The following AGBL4 variants were observed in gnomAD, a reference collection of about 807,000 sequenced individuals.
The protein encoded by AGBL4 is cytosolic carboxypeptidase 6.
Under a neutral mutation model 66.4 loss-of-function variants are expected in AGBL4, and 58 were observed. That is an observed-to-expected ratio of 0.87 (90% confidence interval 0.71 to 1.09). The LOEUF is 1.09. AGBL4 is among the 50% of genes least tolerant of loss of function. AGBL4 has a pLI of 0.00. For synonymous variants in AGBL4, 234 were observed against 222.9 expected (o/e 1.05, Z -0.44); for missense variants, 579 against 631.0 (o/e 0.92, Z 0.88).
intron 1 of AGBL4, among the ~76,000 whole-genome samples, chr1:49,950,194 GTA>G (rs1231311908): frequency 2.8e-5 from 4 of 145,058 alleles, no homozygotes; most frequent in Non-Finnish European, 4.6e-5. Context: ...ATACACATAT[GTA>G]TATATATATG....
intron 6 of AGBL4, among the ~76,000 whole-genome samples, chr1:48,843,190 G>T (rs1434478010): frequency 2.0e-5 from 3 of 152,036 alleles, no homozygotes; most frequent in African/African-American, 7.2e-5. Flanking sequence ...ACATTGTCCA[G>T]GGCAGGGGTA....
At chr1:48,896,903 T>A (rs1478677513) in intron 5 of AGBL4, among the ~76,000 whole-genome samples, 3 of 152,188 alleles carry the variant, frequency 2.0e-5, no homozygotes, top group African/African-American at 4.8e-5. Context: ...TGAATGAGAC[T>A]TTTGGGGTCT....
intron 5 of AGBL4, among the ~76,000 whole-genome samples, chr1:48,893,270 C>T (rs74660178): frequency 0.027 from 4,177 of 152,104 alleles, 180 homozygotes; most frequent in African/African-American, 0.096. Flanking sequence ...TTGTGTTCCC[C>T]CTCAATTTAT....
intron 3 of AGBL4, among the ~76,000 whole-genome samples, chr1:49,499,451 G>T (rs1033287193): frequency 6.6e-6 from 1 of 151,598 alleles, no homozygotes; most frequent in African/African-American, 2.4e-5. Flanking sequence ...CTAAAATGTT[G>T]GTGCACCCAC....
chr1:49,142,687 T>A (rs1178186894), intron 4 of AGBL4, among the ~76,000 whole-genome samples: 1 of 152,136 alleles, frequency 6.6e-6, no homozygotes, highest in African/African-American at 2.4e-5. Flanking sequence ...ACAGTAATCA[T>A]AAAACTTTGT....
chr1:49,448,866 G>T (rs1477912451), intron 3 of AGBL4, among the ~76,000 whole-genome samples: 1 of 150,888 alleles, frequency 6.6e-6, no homozygotes, highest in East Asian at 1.9e-4. Context: ...GACAGGTGGG[G>T]ACTTAAATTC....
At chr1:49,654,352 T>C (rs1646073461) in intron 3 of AGBL4, among the ~76,000 whole-genome samples, 1 of 152,208 alleles carries the variant, frequency 6.6e-6, no homozygotes, top group Admixed American at 6.5e-5. Context: ...AACTATGTGG[T>C]CAATTTTGGA....
intron 3 of AGBL4, among the ~76,000 whole-genome samples, chr1:49,620,975 G>A (rs1435455213): frequency 6.6e-6 from 1 of 151,550 alleles, no homozygotes; most frequent in African/African-American, 2.4e-5. Context: ...TTAATAGTTT[G>A]GACAACCCAT....
At chr1:49,886,789 T>C (rs1648080873) in intron 1 of AGBL4, among the ~76,000 whole-genome samples, 1 of 152,188 alleles carries the variant, frequency 6.6e-6, no homozygotes, top group South Asian at 2.1e-4. Context: ...TGTCAAGCTC[T>C]ACAACTGCAT....
chr1:49,399,398 T>C (rs1005126092), intron 3 of AGBL4, among the ~76,000 whole-genome samples: 1 of 152,154 alleles, frequency 6.6e-6, no homozygotes, highest in African/African-American at 2.4e-5. Flanking sequence ...ACTATATTTT[T>C]TGTTTTTGGA....
chr1:48,836,599 C>CA (rs1053691243), intron 6 of AGBL4, among the ~76,000 whole-genome samples: 1 of 151,710 alleles, frequency 6.6e-6, no homozygotes, highest in African/African-American at 2.4e-5. Context: ...CCCTAGGGAT[C>CA]AAAAAAACCC....
At chr1:48,847,798 T>C (rs1646953471) in intron 6 of AGBL4, among the ~76,000 whole-genome samples, 1 of 152,186 alleles carries the variant, frequency 6.6e-6, no homozygotes. Flanking sequence ...AATTAAATGA[T>C]TTTTTACATC....
chr1:48,924,086 C>T (rs757138722), intron 5 of AGBL4, among the ~76,000 whole-genome samples: 1 of 152,000 alleles, frequency 6.6e-6, no homozygotes, highest in Non-Finnish European at 1.5e-5. Flanking sequence ...TGATATTTTG[C>T]CAACTTCTTG....
intron 3 of AGBL4, among the ~76,000 whole-genome samples, chr1:49,399,649 A>T (rs1645043643): frequency 6.6e-6 from 1 of 152,128 alleles, no homozygotes; most frequent in South Asian, 2.1e-4. Context: ...TCTTCTTTTC[A>T]GAAATGTCTA....
At chr1:50,023,407 G>C (rs1483702069) in intron 1 of AGBL4, among the ~76,000 whole-genome samples, 1 of 152,064 alleles carries the variant, frequency 6.6e-6, no homozygotes, top group Non-Finnish European at 1.5e-5. Flanking sequence ...CTCCCACAGG[G>C]CAGTGTACAC....
chr1:48,939,957 A>G (rs1655814137), intron 5 of AGBL4, among the ~76,000 whole-genome samples: 1 of 152,228 alleles, frequency 6.6e-6, no homozygotes, highest in African/African-American at 2.4e-5. Context: ...ATGCTGCTAA[A>G]CATCCTACAA....
At chr1:48,710,328 A>G (rs982869423) in intron 6 of AGBL4, among the ~76,000 whole-genome samples, 9 of 152,174 alleles carry the variant, frequency 5.9e-5, no homozygotes, top group African/African-American at 1.9e-4. Flanking sequence ...AGTGCCATGG[A>G]GGATGTATTC....
At chr1:49,738,077 C>T (rs555469308) in intron 2 of AGBL4, among the ~76,000 whole-genome samples, 13 of 152,242 alleles carry the variant, frequency 8.5e-5, no homozygotes, top group Admixed American at 2.6e-4. Flanking sequence ...GTGGGTGCAG[C>T]GCACCAAGTA....
At chr1:48,546,892 CACACACAT>C (rs920122473) in intron 11 of AGBL4, among the ~76,000 whole-genome samples, 1 of 151,330 alleles carries the variant, frequency 6.6e-6, no homozygotes, top group African/African-American at 2.4e-5. Flanking sequence ...CACACACACA[CACACACAT>C]ACATAATAGC....
Sources: gnomAD v4.1 joint callset for allele counts (sites outside exome capture counted in the v4.1 genomes callset) on GRCh38, gnomAD v4.1.1 for gene constraint, MANE v1.5 for transcripts, NCBI Gene and HGNC (gene_info 2026-07-23, HGNC 2026-07-21) for gene names.